Variants in LINGO2 observed in about 807,000 individuals in gnomAD.
LINGO2 encodes the protein leucine rich repeat and Ig domain containing 2, also known as leucine-rich repeat and immunoglobulin-like domain-containing nogo receptor-interacting protein 2.
Under a neutral mutation model 30.6 loss-of-function variants are expected in LINGO2, and 14 were observed. The ratio of observed to expected loss-of-function variants is 0.46; its 90% CI spans 0.30 to 0.72. LINGO2 has a LOEUF of 0.72. Among genes scored for constraint, LINGO2 ranks in the 30% least tolerant of loss-of-function variants. The pLI is 0.07. For missense variants in LINGO2, 729 were observed against 751.7 expected, an observed-to-expected ratio of 0.97 and a Z score of 0.35; for synonymous variants, 317 against 288.5, an observed-to-expected ratio of 1.10 and a Z score of -1.00.
chr9:28,309,893 T>G (rs578021804), intron 3 of LINGO2, among the ~76,000 whole-genome samples: 31 of 152,110 alleles, frequency 2.0e-4, no homozygotes, highest in Admixed American at 1.2e-3. Context: ...GGATGGCACA[T>G]CAGCACATGA....
At chr9:28,604,855 T>A (rs1252717633) in intron 1 of LINGO2, among the ~76,000 whole-genome samples, 1 of 152,052 alleles carries the variant, frequency 6.6e-6, no homozygotes, top group East Asian at 1.9e-4. Flanking sequence ...AACTTTTTAG[T>A]AGTATCAGAT....
intron 4 of LINGO2, among the ~76,000 whole-genome samples, chr9:28,282,676 A>G (rs149652218): frequency 1.3e-5 from 2 of 152,124 alleles, no homozygotes; most frequent in Admixed American, 6.5e-5. Flanking sequence ...TTTTGCATCA[A>G]CTATGCCCTG....
rs1318205303 is a variant in LINGO2, at chr9:27,974,121, T to C, written c.-35-23415A>G. 2.0e-5 allele frequency among the ~76,000 whole-genome samples: 3 copies of C among 152,148 alleles called. No homozygotes were observed. The East Asian group carries it at 5.8e-4, about 29-fold the overall frequency. ...GTTATTGATCAAAAATGACTTGTCA[T>C]AGCCATCACAACTGCTGCGTGAACA... On this transcript the variant is annotated intron_variant, in intron 5 of 5. Transcript: ENST00000379992.
the LINGO2 span, among the ~76,000 whole-genome samples, chr9:28,756,687 TAGTG>T: frequency 6.6e-6 from 1 of 151,944 alleles, no homozygotes. Context: ...GTTCTAGTGA[TAGTG>T]AGTGAGTTCT....
At chr9:29,180,243 T>A in the LINGO2 span, among the ~76,000 whole-genome samples, 1 of 152,168 alleles carries the variant, frequency 6.6e-6, no homozygotes, top group Non-Finnish European at 1.5e-5. Context: ...TCTACCCCTA[T>A]CAATAAATGA....
the LINGO2 span, among the ~76,000 whole-genome samples, chr9:28,724,281 A>G: frequency 4.6e-5 from 7 of 152,136 alleles, no homozygotes; most frequent in African/African-American, 1.7e-4. Flanking sequence ...CCCCCATGAG[A>G]CACACTATGT....
At chr9:28,872,860 A>G in the LINGO2 span, among the ~76,000 whole-genome samples, 1 of 152,154 alleles carries the variant, frequency 6.6e-6, no homozygotes, top group Non-Finnish European at 1.5e-5. Context: ...AAATAAGACA[A>G]TTACATTAAC....
intron 4 of LINGO2, among the ~76,000 whole-genome samples, chr9:28,226,054 A>G (rs1031872735): frequency 2.2e-4 from 33 of 152,318 alleles, no homozygotes; most frequent in African/African-American, 7.7e-4. Flanking sequence ...ATTTAAAAGC[A>G]TAAACCTATT....
intron 4 of LINGO2, among the ~76,000 whole-genome samples, chr9:28,228,242 T>C (rs1270417542): frequency 6.6e-6 from 1 of 152,008 alleles, no homozygotes; most frequent in Non-Finnish European, 1.5e-5. Context: ...ACTGCAGGAA[T>C]ACCTGTATTT....
intron 5 of LINGO2, among the ~76,000 whole-genome samples, chr9:27,968,314 G>A (rs1563865271): frequency 6.6e-6 from 1 of 151,902 alleles, no homozygotes; most frequent in Non-Finnish European, 1.5e-5. Context: ...ACAATATCCA[G>A]CTATGGAAAG....
intron 4 of LINGO2, among the ~76,000 whole-genome samples, chr9:28,068,052 G>A (rs1301667195): frequency 6.6e-6 from 1 of 152,118 alleles, no homozygotes; most frequent in East Asian, 1.9e-4. Context: ...TCTCTGGAAT[G>A]ACTAAAGTCT....
the LINGO2 span, among the ~76,000 whole-genome samples, chr9:29,047,459 C>G: frequency 6.6e-6 from 1 of 152,002 alleles, no homozygotes; most frequent in African/African-American, 2.4e-5. Flanking sequence ...ATTAGTTCAA[C>G]CGTTGTGAAA....
chr9:28,348,519 T>C (rs985206453), intron 3 of LINGO2, among the ~76,000 whole-genome samples: 1 of 152,022 alleles, frequency 6.6e-6, no homozygotes, highest in Admixed American at 6.6e-5. Flanking sequence ...GTCTCGCTGA[T>C]TGCTAGCACA....
chr9:28,826,489 T>C, the LINGO2 span, among the ~76,000 whole-genome samples: 9 of 152,102 alleles, frequency 5.9e-5, no homozygotes, highest in Non-Finnish European at 1.0e-4. Flanking sequence ...GGAAGAGATA[T>C]GCAAAAAGAG....
chr9:28,584,425 A>G (rs1352691004), intron 1 of LINGO2, among the ~76,000 whole-genome samples: 1 of 152,052 alleles, frequency 6.6e-6, no homozygotes, highest in African/African-American at 2.4e-5. Context: ...TGTATAATCC[A>G]TTGAGCAAAA....
At chr9:28,266,943 A>T (rs577376190) in intron 4 of LINGO2, among the ~76,000 whole-genome samples, 75 of 151,940 alleles carry the variant, frequency 4.9e-4, no homozygotes, top group Non-Finnish European at 9.4e-4. Flanking sequence ...CCCGCTGTAC[A>T]TCTATCTTGG....
At chr9:28,585,191 C>T (rs1824467026) in intron 1 of LINGO2, among the ~76,000 whole-genome samples, 1 of 152,042 alleles carries the variant, frequency 6.6e-6, no homozygotes, top group Non-Finnish European at 1.5e-5. Context: ...TTTTTAAAAT[C>T]TCAGTGTATG....
At chr9:28,028,023 TTTG>T (rs1823469104) in intron 4 of LINGO2, among the ~76,000 whole-genome samples, 3 of 152,152 alleles carry the variant, frequency 2.0e-5, no homozygotes, top group Admixed American at 2.0e-4. Context: ...CACTCACTTA[TTTG>T]TTATTTATTG....
At chr9:28,375,869 G>C (rs1821110106) in intron 2 of LINGO2, among the ~76,000 whole-genome samples, 1 of 152,004 alleles carries the variant, frequency 6.6e-6, no homozygotes, top group Non-Finnish European at 1.5e-5. Flanking sequence ...CTCTGAGAGG[G>C]GACACAGTAC....
Sources: gnomAD v4.1 joint callset for allele counts (sites outside exome capture counted in the v4.1 genomes callset) on GRCh38, gnomAD v4.1.1 for gene constraint, MANE v1.5 for transcripts, NCBI Gene and HGNC (gene_info 2026-07-23, HGNC 2026-07-21) for gene names.